The following PDXDC1 variants were observed in gnomAD, a reference collection of about 807,000 sequenced individuals.
PDXDC1 encodes the protein pyridoxal-dependent decarboxylase domain-containing protein 1.
PDXDC1 carries 42 observed loss-of-function variants against 100.1 expected under a neutral mutation model. The ratio of observed to expected loss-of-function variants is 0.42; its 90% confidence interval spans 0.33 to 0.54. The LOEUF is 0.54. Among genes scored for constraint, PDXDC1 ranks in the 20% least tolerant of loss-of-function variants. The pLI, the probability that PDXDC1 is intolerant of heterozygous loss-of-function variation, is 0.10. For missense variants in PDXDC1, 636 were observed against 979.2 expected (o/e 0.65, Z 4.68); for synonymous variants, 260 against 371.7 (o/e 0.70, Z 3.46).
downstream of PDXDC1, chr16:15,041,483 T>G: frequency 6.7e-6 from 5 of 744,914 alleles, no homozygotes; most frequent in Non-Finnish European, 1.0e-5. Context: ...GGGAAGGCCA[T>G]CCCACCACAG....
In PDXDC1 at chr16:15,036,771, T is replaced by G. The variant is rs1419085742; in HGVS notation, c.*496T>G. The G allele has an allele frequency of 6.2e-6, 1 of 161,906 alleles. No individual in the cohort carries two copies. The highest frequency in any genetic ancestry group is 1.8e-4 in the East Asian group (1 of 5,576). 10.0% of individuals were successfully genotyped at this position (161,906 alleles called of 1,614,324 possible). On this transcript the variant is annotated 3_prime_UTR_variant, in exon 23 of 23. Coordinates refer to ENST00000396410, the MANE Select transcript of PDXDC1 (RefSeq NM_015027.4). ...GCTAGACTTGAAGGAGAGCAGTGAT[T>G]GTGGGATTGTAAATAAGAGCATCAG...
At chr16:15,066,668 T>G (rs1434646056) in intron 16 of PDXDC1, among the ~76,000 whole-genome samples, 1 of 146,346 alleles carries the variant, frequency 6.8e-6, no homozygotes, top group Non-Finnish European at 1.5e-5. Flanking sequence ...AACTAACAGA[T>G]GAAATCCCAA....
the PDXDC1 span, among the ~76,000 whole-genome samples, chr16:15,150,392 A>G: frequency 1.3e-5 from 2 of 150,630 alleles, no homozygotes; most frequent in Admixed American, 6.6e-5. Flanking sequence ...TAAATAAAAG[A>G]CATCACTCAC....
At chr16:14,993,085 G>C (rs1049090248) in intron 1 of PDXDC1, among the ~76,000 whole-genome samples, 1 of 152,088 alleles carries the variant, frequency 6.6e-6, no homozygotes. Flanking sequence ...TTCTGCCTTG[G>C]CCTCCCAAAG....
rs759925228 is a variant in PDXDC1, at chr16:15,033,008, G to C, written c.1690+29G>C. On this transcript the variant is annotated intron_variant, in intron 18 of 22. Transcript: ENST00000396410. ...ACTGCTTACTTTGTAAGTCAGCTGTGGGGTTTGGAAGGACACTTGGTAACC... is the reference window on the plus strand; with the variant it reads ...ACTGCTTACTTTGTAAGTCAGCTGTCGGGTTTGGAAGGACACTTGGTAACC... 3.7e-6 allele frequency: 5 copies of C among 1,361,958 alleles called. 1 individual carries two copies. The South Asian group carries it at 5.8e-5, about 16-fold the overall frequency. The allele number at this position is 1,361,958 out of a possible 1,614,324, so 84.4% of individuals were successfully genotyped here. A position where few individuals can be genotyped will look rare whatever the true frequency, so the allele number is the denominator to read the frequency against.
chr16:15,066,625 C>G (rs2044986036), intron 16 of PDXDC1, among the ~76,000 whole-genome samples: 1 of 147,888 alleles, frequency 6.8e-6, no homozygotes, highest in African/African-American at 2.5e-5. Context: ...AGAGCAAGAC[C>G]TTGTCTCAAA....
At chr16:14,994,128 A>G (rs1241026083) in intron 1 of PDXDC1, among the ~76,000 whole-genome samples, 1 of 152,280 alleles carries the variant, frequency 6.6e-6, no homozygotes, top group Non-Finnish European at 1.5e-5. Flanking sequence ...TGCTTTGCAG[A>G]AGCTCTTTAG....
chr16:15,010,414 G>C (rs1300591855), intron 8 of PDXDC1: 1 of 154,764 alleles, frequency 6.5e-6, no homozygotes, highest in Non-Finnish European at 1.5e-5. Flanking sequence ...CTACTCAGGA[G>C]ACAAGCAAGA....
At chr16:15,070,311 A>G (rs532095431) in intron 16 of PDXDC1, 2 of 1,593,696 alleles carry the variant, frequency 1.3e-6, no homozygotes, top group African/African-American at 2.7e-5. Context: ...CCAGAATAAC[A>G]TAAAAACACA....
chr16:15,124,535 G>A (rs1386810857), intron 16 of PDXDC1, among the ~76,000 whole-genome samples: 1 of 151,526 alleles, frequency 6.6e-6, no homozygotes, highest in East Asian at 1.9e-4. Context: ...AGCACTTTGG[G>A]AGGCCGAGGT....
rs142312843 is a variant in PDXDC1 at position 15,070,209 on chromosome 16, T to C, written c.1399+40153T>C. The C allele has an allele frequency of 6.9e-5, 111 of 1,606,026 alleles. No individual in the cohort carries two copies. In the African/African-American group the frequency reaches 1.3e-3, roughly 18 times the overall value. On this transcript the variant is annotated intron_variant, in intron 16 of 16. Coordinates refer to the PDXDC1 transcript ENST00000535621. ...TTCCCGAATCCTGGTTATTAAGGTATATGTGCAGCCAGTTAACCAAAAGAT... is the reference window on the plus strand; with the variant it reads ...TTCCCGAATCCTGGTTATTAAGGTACATGTGCAGCCAGTTAACCAAAAGAT...
chr16:14,990,048 G>A, intron 1 of PDXDC1: 1 of 1,488,602 alleles, frequency 6.7e-7, no homozygotes, highest in Non-Finnish European at 8.9e-7. Context: ...CTGCGCGCCG[G>A]ACCCCCCAAA....
intron 16 of PDXDC1, among the ~76,000 whole-genome samples, chr16:15,064,846 G>C (rs1262974212): frequency 1.3e-5 from 2 of 152,196 alleles, no homozygotes. Context: ...TCCCAATTTT[G>C]GGAAAAGCAA....
In PDXDC1 at chr16:15,007,157, CTTTTTTTTTTTTT is replaced by C. The variant is rs56256230; in HGVS notation, c.579+593_579+605del. Among the ~76,000 whole-genome samples the C allele has an allele frequency of 2.7e-4, 20 of 73,952 alleles. 1 individual carries two copies. The highest frequency in any genetic ancestry group is 4.3e-4 in the African/African-American group (8 of 18,716). The allele number at this position is 73,952 out of a possible 152,430, so 48.5% of individuals were successfully genotyped here. On this transcript the variant is annotated intron_variant, in intron 6 of 22. Coordinates refer to ENST00000396410, the MANE Select transcript of PDXDC1 (RefSeq NM_015027.4). ...AGAATTGCTGGATCAAAGAGCATGA[CTTTTTTTTTTTTT>C]TTTTTTTTTTTTTTTTTTGAGACAG... is the stretch of plus-strand genomic sequence containing the variant.
At chr16:14,989,934 A>T (rs1970351978) in intron 1 of PDXDC1, 1 of 1,475,728 alleles carries the variant, frequency 6.8e-7, no homozygotes, top group Non-Finnish European at 8.9e-7. Context: ...GCGCTCCCGC[A>T]GGCCGCGCCA....
rs765704827 is a variant in PDXDC1 at position 15,131,194 on chromosome 16, T to C, written c.1400-7685T>C. 1.8e-5 allele frequency: 29 copies of C among 1,588,830 alleles called. 1 individual carries two copies. Among genetic ancestry groups the C allele is most frequent in the South Asian group, 3.3e-5 (3 of 90,576 alleles). On this transcript the variant is annotated intron_variant, in intron 16 of 16. Transcript: ENST00000535621. ...GGCCTGGGGCTGGACCACAACGGAGTTGGCAGAGCTGCGGTGGCCCCGGGC... is the reference window on the plus strand; with the variant it reads ...GGCCTGGGGCTGGACCACAACGGAGCTGGCAGAGCTGCGGTGGCCCCGGGC...
intron 19 of PDXDC1, 61 bp from the exon 20 acceptor site, chr16:15,034,224 AG>A (rs2043253902): frequency 7.0e-7 from 1 of 1,419,746 alleles, no homozygotes; most frequent in African/African-American, 1.4e-5. Flanking sequence ...CTGTGTTACT[AG>A]CTCTTCTGGG....
intron 22 of PDXDC1, 39 bp downstream of exon 22, chr16:15,035,592 T>TCCCCTGTTGACTGTTA: frequency 7.9e-7 from 1 of 1,264,524 alleles, no homozygotes; most frequent in Non-Finnish European, 1.1e-6. Flanking sequence ...GTAACAGGTT[T>TCCCCTGTTGACTGTTA]CCCCTGTTGA....
At chr16:15,098,624 A>C (rs2046437852) in intron 16 of PDXDC1, among the ~76,000 whole-genome samples, 1 of 151,648 alleles carries the variant, frequency 6.6e-6, no homozygotes, top group African/African-American at 2.4e-5. Flanking sequence ...CACGCCTGTA[A>C]TCCCAGCACT....
Sources: gnomAD v4.1 joint callset for allele counts (sites outside exome capture counted in the v4.1 genomes callset) on GRCh38, gnomAD v4.1.1 for gene constraint, MANE v1.5 for transcripts, NCBI Gene and HGNC (gene_info 2026-07-23, HGNC 2026-07-21) for gene names.